Variants in NCOR2 observed in about 807,000 individuals in gnomAD.
The protein encoded by NCOR2 is CTG repeat protein 26.
NCOR2 carries 81 observed loss-of-function variants against 262.9 expected under a neutral mutation model. The ratio of observed to expected loss-of-function variants is 0.31; its 90% CI spans 0.26 to 0.37. The LOEUF (loss-of-function observed/expected upper bound fraction) is 0.37, where lower values mean the gene tolerates loss of function less well. Among genes scored for constraint, NCOR2 ranks in the 10% least tolerant of loss-of-function variants. NCOR2 has a pLI of 1.00. For synonymous variants in NCOR2, 1,659 were observed against 1,559.3 expected (o/e 1.06, Z -1.51); for missense variants, 3,385 against 3,621.4 (o/e 0.93, Z 1.68).
chr12:124,547,704 G>A (rs1182315089), intron 1 of NCOR2, among the ~76,000 whole-genome samples: 1 of 151,966 alleles, frequency 6.6e-6, no homozygotes, highest in Non-Finnish European at 1.5e-5. Context: ...CCACCAATCT[G>A]CTTTCTGTCT....
chr12:124,488,338 C>T (rs1162401488), intron 1 of NCOR2, among the ~76,000 whole-genome samples: 4 of 152,130 alleles, frequency 2.6e-5, no homozygotes, highest in Non-Finnish European at 4.4e-5. Context: ...CTGGACAGTC[C>T]GATGTAGATA....
chr12:124,445,787 G>C (rs112725166), intron 7 of NCOR2, among the ~76,000 whole-genome samples: 3,648 of 152,362 alleles, frequency 0.024, 67 homozygotes, highest in Middle Eastern at 0.051. Flanking sequence ...AACAGTGCCT[G>C]GCGTGTAGTA....
Position 124,333,232 on chromosome 12 carries a change from C to G in NCOR2, c.6653G>C (p.Gly2218Ala), listed in dbSNP as rs779205903. 7 of 1,612,922 alleles carry G rather than the reference C, an allele frequency of 4.3e-6. No individual in the cohort carries two copies. The highest frequency in any genetic ancestry group is 5.9e-6 in the Non-Finnish European group (7 of 1,179,792). ...CTCCGGTGGGGACACAGGTTCAATA[C>G]CGTCCTCACCACCACCCAAGACCGA... is the stretch of plus-strand genomic sequence containing the variant. The change falls in exon 42 of 47, where the codon GGT becomes GCT. Residue 2218 changes from glycine to alanine, a missense_variant. Physicochemically the swap from Gly to Ala is moderately conservative, Grantham distance 60 (BLOSUM62 0). Transcript: ENST00000405201.
intron 1 of NCOR2, among the ~76,000 whole-genome samples, chr12:124,492,096 G>C (rs1003472929): frequency 6.6e-6 from 1 of 152,202 alleles, no homozygotes; most frequent in Non-Finnish European, 1.5e-5. Flanking sequence ...ATGACGCCAG[G>C]GCAGAGCACA....
At chr12:124,431,092 C>G (rs2043888418) in intron 8 of NCOR2, among the ~76,000 whole-genome samples, 1 of 146,712 alleles carries the variant, frequency 6.8e-6, no homozygotes, top group Non-Finnish European at 1.5e-5. Context: ...TACAGGCACA[C>G]ACATACAGTC....
At position 124,463,545 on chromosome 12, in the gene NCOR2, G is replaced by A. The variant is rs936655123; in HGVS notation, c.705+2628C>T. On this transcript the variant is annotated intron_variant, in intron 5 of 46. Transcript: ENST00000405201. ...CTCGCTCAGCGGGTGCCTCACCAATGTGCTCCGAATGGATAATGAGCCAGA... is the reference window on the plus strand; with the variant it reads ...CTCGCTCAGCGGGTGCCTCACCAATATGCTCCGAATGGATAATGAGCCAGA... Among the ~76,000 whole-genome samples the A allele has an allele frequency of 5.3e-5, 8 of 152,358 alleles. 1 individual carries two copies. In the East Asian group the frequency reaches 1.5e-3, roughly 29 times the overall value.
At chr12:124,459,604 C>T (rs1165643015) in intron 5 of NCOR2, among the ~76,000 whole-genome samples, 3 of 152,202 alleles carry the variant, frequency 2.0e-5, no homozygotes, top group Non-Finnish European at 4.4e-5. Flanking sequence ...CGGCCACACT[C>T]ACCCAGGGTA....
chr12:124,385,146 C>CA (rs1462664684), intron 17 of NCOR2, among the ~76,000 whole-genome samples: 1 of 152,182 alleles, frequency 6.6e-6, no homozygotes, highest in Non-Finnish European at 1.5e-5. Flanking sequence ...GGCTGCTCCT[C>CA]AGAGGCCATT....
At chr12:124,512,025 G>A (rs966453920) in intron 1 of NCOR2, among the ~76,000 whole-genome samples, 1 of 152,168 alleles carries the variant, frequency 6.6e-6, no homozygotes, top group Non-Finnish European at 1.5e-5. Flanking sequence ...GGGCTCAATT[G>A]ATCCTCCTGC....
intron 1 of NCOR2, among the ~76,000 whole-genome samples, chr12:124,505,199 T>G (rs1308680978): frequency 6.6e-6 from 1 of 152,158 alleles, no homozygotes; most frequent in Non-Finnish European, 1.5e-5. Context: ...CTGGTTGGAC[T>G]CAATGGGGCA....
At chr12:124,476,834 G>T (rs931825291) in intron 3 of NCOR2, among the ~76,000 whole-genome samples, 3 of 151,088 alleles carry the variant, frequency 2.0e-5, no homozygotes, top group African/African-American at 7.4e-5. Context: ...TGGAGGCCGA[G>T]GCAGGAGGAT....
rs114374773 is a variant in NCOR2, at chr12:124,443,167, C to T, written c.816-5171G>A. On this transcript the variant is annotated intron_variant, in intron 7 of 46. Transcript: ENST00000405201. The surrounding 1 kb of genome is among the most constrained non-coding windows in gnomAD (Gnocchi z 4.4). ...TTAAGGCAGCGCTGAGAAGCTAGTC[C>T]GGCGTGTGATCTTCCACAAACCGCG... 2.7e-4 allele frequency among the ~76,000 whole-genome samples: 41 copies of T among 152,328 alleles called. No individual in the cohort carries two copies. Among genetic ancestry groups the T allele is most frequent in the African/African-American group, 1.2e-4 (5 of 41,574 alleles).
At chr12:124,335,213 G>A in exon 40 of NCOR2, 1 of 1,610,832 alleles carries the variant, frequency 6.2e-7, no homozygotes, top group Non-Finnish European at 8.5e-7. Context: ...GGCTGGACGA[G>A]GGCTGGCTCT....
At position 124,335,292 on chromosome 12, in the gene NCOR2, G is replaced by A. The variant is rs2035781066; in HGVS notation, c.6266-12C>T. 1 of 1,580,350 alleles carries A rather than the reference G, an allele frequency of 6.3e-7. No individual in the cohort carries two copies. Among genetic ancestry groups the A allele is most frequent in the African/African-American group, 1.3e-5 (1 of 74,496 alleles). The stretch of plus-strand genomic sequence containing the variant: ...AAGCTTCACGGGGCCTGCAGGCAGA[G>A]CAGAGCTGGTCAGGGGGTGTCTGCT... On this transcript the variant is annotated splice_polypyrimidine_tract_variant and intron_variant, in intron 39 of 46. Transcript: ENST00000405201.
intron 3 of NCOR2, among the ~76,000 whole-genome samples, 169 bp from the exon 6 acceptor site, chr12:124,473,300 G>A (rs1287307045): frequency 6.6e-6 from 1 of 152,210 alleles, no homozygotes; most frequent in Admixed American, 6.5e-5. Context: ...TTGAGTCAGT[G>A]GGCTGGAGAA....
chr12:124,520,765 C>T (rs1027809870), intron 1 of NCOR2, among the ~76,000 whole-genome samples: 7 of 152,176 alleles, frequency 4.6e-5, no homozygotes, highest in African/African-American at 1.4e-4. Flanking sequence ...CTCCCCATCA[C>T]GCAAGCCTTC....
At chr12:124,422,619 TCGGCTCC>T (rs755039770) in intron 11 of NCOR2, 64 bp from the exon 14 acceptor site, 40 of 1,594,778 alleles carry the variant, frequency 2.5e-5, no homozygotes, top group Non-Finnish European at 3.3e-5. Flanking sequence ...GGGCAGCCGA[TCGGCTCC>T]CAGGCGCCTG....
At chr12:124,532,330 G>A (rs1371712095) in intron 1 of NCOR2, among the ~76,000 whole-genome samples, 2 of 151,418 alleles carry the variant, frequency 1.3e-5, no homozygotes, top group Non-Finnish European at 2.9e-5. Context: ...AAGTGGGTGT[G>A]GTGGGGCAGG....
chr12:124,437,969 G>A lies in NCOR2; in HGVS notation c.843C>T (p.Ile281=), dbSNP rs374551612. 2,908 of 1,612,350 alleles carry A rather than the reference G, an allele frequency of 1.8e-3. 2 individuals are homozygous for A. Among genetic ancestry groups the A allele is most frequent in the Non-Finnish European group, 2.2e-3 (2,652 of 1,179,260 alleles). Reference sequence around the variant, plus strand: ...CGTGATTCCTCCTCTTGAAGTACAAGATTAGCTTCTTCCGCATCGCCTGGT... The same window carrying A: ...CGTGATTCCTCCTCTTGAAGTACAAAATTAGCTTCTTCCGCATCGCCTGGT... The change falls in exon 8 of 47, where the codon ATC becomes ATT. Residue 281 remains isoleucine (I), a synonymous_variant. Coordinates refer to ENST00000405201, the Ensembl canonical transcript of NCOR2.
Sources: gnomAD v4.1 joint callset for allele counts (sites outside exome capture counted in the v4.1 genomes callset) on GRCh38, gnomAD v4.1.1 for gene constraint, Gnocchi (gnomAD v3.1) non-coding constraint, MANE v1.5 for transcripts, NCBI Gene and HGNC (gene_info 2026-07-23, HGNC 2026-07-21) for gene names.